The following EFNB2 variants were observed in gnomAD, a reference collection of about 807,000 sequenced individuals.
EFNB2 encodes the protein ephrin-B2.
In EFNB2, 5 loss-of-function variants were observed where a neutral mutation model predicts 32.1. The observed-to-expected ratio is 0.16, with a 90% CI of 0.08 to 0.33. The LOEUF is 0.33. Among genes scored for constraint, EFNB2 ranks in the 10% least tolerant of loss-of-function variants. The probability of loss-of-function intolerance (pLI) is 1.00; values close to 1 mark genes in which losing one functional copy is unlikely to be tolerated. For missense variants in EFNB2, 263 were observed against 422.6 expected, an observed-to-expected ratio of 0.62 and a Z score of 3.31; for synonymous variants, 168 against 166.5, an observed-to-expected ratio of 1.01 and a Z score of -0.07.
intron 1 of EFNB2, among the ~76,000 whole-genome samples, chr13:106,513,472 G>T (rs751327282): frequency 1.9e-4 from 29 of 152,108 alleles, no homozygotes; most frequent in Non-Finnish European, 3.7e-4. Context: ...TCCTCTACTT[G>T]CAAGGACAAC....
intron 1 of EFNB2, among the ~76,000 whole-genome samples, chr13:106,529,943 A>G (rs1279068941): frequency 6.6e-6 from 1 of 152,240 alleles, no homozygotes; most frequent in Non-Finnish European, 1.5e-5. Context: ...TAAAAATAAA[A>G]GCAAATTGTG....
In EFNB2 at chr13:106,526,103, G is replaced by T. The variant is rs1226554442; in HGVS notation, c.122+8740C>A. The stretch of plus-strand genomic sequence containing the variant: ...CCAGACCTCAGGAATCAGGAACTCT[G>T]GGGGTGGGGCCCAGAAACCCCTGTT... On this transcript the variant is annotated intron_variant, in intron 1 of 4. Coordinates refer to ENST00000646441, the MANE Select transcript of EFNB2 (RefSeq NM_004093.4). 2.0e-5 allele frequency among the ~76,000 whole-genome samples: 3 copies of T among 152,116 alleles called. No individual in the cohort carries two copies. The East Asian group carries it at 5.8e-4, about 29-fold the overall frequency.
intron 2 of EFNB2, among the ~76,000 whole-genome samples, chr13:106,500,208 T>C (rs1651626361): frequency 6.6e-6 from 1 of 152,226 alleles, no homozygotes; most frequent in South Asian, 2.1e-4. Context: ...TGTTCACCGC[T>C]CTGCTCCCAG....
At chr13:106,494,162 G>A (rs4399422) in intron 4 of EFNB2, among the ~76,000 whole-genome samples, 67,359 of 152,020 alleles carry the variant, frequency 0.44, 15,320 homozygotes, top group Middle Eastern at 0.56. Context: ...TCTTGGAAAG[G>A]GATGGAATAT....
At position 106,491,292 on chromosome 13, in the gene EFNB2, A is replaced by C. The variant is rs530006659; in HGVS notation, c.*1748T>G. 1 of 152,724 alleles carries C rather than the reference A, an allele frequency of 6.5e-6. No individual in the cohort carries two copies. The highest frequency in any genetic ancestry group is 2.4e-5 in the African/African-American group (1 of 41,556). 9.5% of individuals were successfully genotyped at this position (152,724 alleles called of 1,614,324 possible). ...GTACTTCCTAGTCTACGGTTCCGTGAGATGCCTTCGGAGGACTTGGTTATT... is the reference window on the plus strand; with the variant it reads ...GTACTTCCTAGTCTACGGTTCCGTGCGATGCCTTCGGAGGACTTGGTTATT... On this transcript the variant is annotated 3_prime_UTR_variant, in exon 5 of 5. Coordinates refer to ENST00000646441, the MANE Select transcript of EFNB2 (RefSeq NM_004093.4).
intron 1 of EFNB2, among the ~76,000 whole-genome samples, chr13:106,525,359 G>T (rs1474825560): frequency 6.6e-6 from 1 of 152,138 alleles, no homozygotes; most frequent in Non-Finnish European, 1.5e-5. Context: ...AAACTGAATT[G>T]CCTCACCTAT....
intron 1 of EFNB2, among the ~76,000 whole-genome samples, chr13:106,531,828 A>G (rs1375359251): frequency 1.3e-5 from 2 of 152,228 alleles, no homozygotes; most frequent in Non-Finnish European, 2.9e-5. Context: ...TGCACAGGGA[A>G]TGGTAACCCC....
chr13:106,516,607 T>G (rs973390686), intron 1 of EFNB2: 3 of 152,116 alleles, frequency 2.0e-5, no homozygotes, highest in African/African-American at 7.2e-5. Flanking sequence ...CACATTTTTT[T>G]CCCCCAAATC....
chr13:106,517,792 T>C (rs1879361313), intron 1 of EFNB2: 1 of 152,182 alleles, frequency 6.6e-6, no homozygotes, highest in Non-Finnish European at 1.5e-5. Flanking sequence ...AACACTCAAG[T>C]AGGGCTTCCA....
rs1566465915 is a variant in EFNB2, at chr13:106,534,944, G to C, written c.21C>G (p.Ser7=). The C allele has an allele frequency of 2.5e-6, 4 of 1,613,226 alleles. No homozygotes were observed. The highest frequency in any genetic ancestry group is 2.7e-5 in the African/African-American group (2 of 74,906). MAVRRD[S]VWKYCWGVLM... is the part of the protein sequence containing the mutation. ...AAACACCCCAGCAGTACTTCCACAC[G>C]GAGTCCCTTCTCACAGCCATGGCGA... Residue 7 remains serine, a synonymous_variant, in exon 1 of 5, where the codon TCC becomes TCG. Transcript: ENST00000646441.
chr13:106,506,060 T>A lies in EFNB2; in HGVS notation c.406+6469A>T, dbSNP rs566849612. On this transcript the variant is annotated intron_variant, in intron 2 of 4. Transcript: ENST00000646441. The stretch of plus-strand genomic sequence containing the variant: ...GACTTTAATCCTTAAATGTAAAGAA[T>A]TTATCTTTATTCATATTAAATTCAA... The A allele has an allele frequency of 9.2e-5, 14 of 152,274 alleles. No individual in the cohort carries two copies. The East Asian group carries it at 2.3e-3, about 25-fold the overall frequency. 9.4% of individuals were successfully genotyped at this position (152,274 alleles called of 1,614,324 possible).
intron 1 of EFNB2, among the ~76,000 whole-genome samples, chr13:106,525,299 G>C (rs1349886603): frequency 6.6e-6 from 1 of 152,148 alleles, no homozygotes; most frequent in African/African-American, 2.4e-5. Context: ...AAACTCTAAA[G>C]CATGTGCCCT....
intron 1 of EFNB2, among the ~76,000 whole-genome samples, chr13:106,533,588 T>C (rs904515860): frequency 1.3e-5 from 2 of 152,180 alleles, no homozygotes; most frequent in East Asian, 1.9e-4. Context: ...TTGGTTAACA[T>C]GTTAGTGAAT....
At chr13:106,504,212 T>C (rs567384950) in intron 2 of EFNB2, among the ~76,000 whole-genome samples, 92 of 152,344 alleles carry the variant, frequency 6.0e-4, no homozygotes, top group Non-Finnish European at 9.4e-4. Flanking sequence ...CCTCTAGCTC[T>C]TTCTACTGTC....
At chr13:106,527,315 ATAAAT>A (rs1467295857) in intron 1 of EFNB2, among the ~76,000 whole-genome samples, 7 of 151,918 alleles carry the variant, frequency 4.6e-5, no homozygotes, top group African/African-American at 1.7e-4. Context: ...AATAATATAA[ATAAAT>A]TAAGTATGGC....
At position 106,491,199 on chromosome 13, in the gene EFNB2, A is replaced by T. The variant is rs1594157493; in HGVS notation, c.*1841T>A. 6.6e-6 allele frequency: 1 copy of T among 152,574 alleles called. No homozygotes were observed. Among genetic ancestry groups the T allele is most frequent in the Non-Finnish European group, 1.5e-5 (1 of 68,044 alleles). 9.5% of individuals were successfully genotyped at this position (152,574 alleles called of 1,614,324 possible). A position where few individuals can be genotyped will look rare whatever the true frequency, so the allele number is the denominator to read the frequency against. ...AAGGGAAAACCCAACGCAGAAATAA[A>T]CGCCGGAACATCTTGTCATTGTTAA... On this transcript the variant is annotated 3_prime_UTR_variant, in exon 5 of 5. Transcript: ENST00000646441.
chr13:106,513,431 T>G (rs1204405003), intron 1 of EFNB2, among the ~76,000 whole-genome samples: 1 of 152,240 alleles, frequency 6.6e-6, no homozygotes, highest in Admixed American at 6.5e-5. Flanking sequence ...AATAATTAGT[T>G]GTGGTATTGA....
intron 1 of EFNB2, among the ~76,000 whole-genome samples, chr13:106,533,021 T>TA (rs1251438401): frequency 2.6e-5 from 4 of 151,412 alleles, no homozygotes; most frequent in African/African-American, 9.7e-5. Flanking sequence ...AAGATAAAGA[T>TA]ACACACACCG....
At chr13:106,494,758 A>T in intron 4 of EFNB2, 123 bp downstream of exon 4, 1 of 710,376 alleles carries the variant, frequency 1.4e-6, no homozygotes, top group Non-Finnish European at 2.5e-6. Flanking sequence ...AAGATTCCTG[A>T]TCACTGTAAC....
Sources: gnomAD v4.1 joint callset for allele counts (sites outside exome capture counted in the v4.1 genomes callset) on GRCh38, gnomAD v4.1.1 for gene constraint, MANE v1.5 for transcripts, NCBI Gene and HGNC (gene_info 2026-07-23, HGNC 2026-07-21) for gene names.